The following ZNF518A variants were observed in gnomAD, a reference collection of about 807,000 sequenced individuals.
The protein encoded by ZNF518A is zinc finger protein 518A, also known as zinc finger protein 518.
ZNF518A carries 47 observed loss-of-function variants against 102.7 expected under a neutral mutation model. The observed-to-expected ratio is 0.46, with a 90% CI of 0.36 to 0.58. The LOEUF is 0.58. ZNF518A is among the 20% of genes least tolerant of loss of function. The pLI, the probability that ZNF518A is intolerant of heterozygous loss-of-function variation, is 0.00. For missense variants in ZNF518A, 1,793 were observed against 1,699.8 expected, an observed-to-expected ratio of 1.05 and a Z score of -0.96; for synonymous variants, 652 against 594.6, an observed-to-expected ratio of 1.10 and a Z score of -1.40.
chr10:96,153,901 C>G (rs1228896897), intron 3 of ZNF518A, among the ~76,000 whole-genome samples: 1 of 152,180 alleles, frequency 6.6e-6, no homozygotes, highest in Admixed American at 6.5e-5. Context: ...ATCCTATTCT[C>G]AAGGTCTAAG....
intron 3 of ZNF518A, among the ~76,000 whole-genome samples, chr10:96,151,866 T>C (rs2082465681): frequency 6.6e-6 from 1 of 152,244 alleles, no homozygotes; most frequent in Non-Finnish European, 1.5e-5. Flanking sequence ...GGAAGTCAGA[T>C]GTTTTCAGTT....
At chr10:96,204,601 G>C (rs1319777790), downstream of ZNF518A, 3 of 1,613,904 alleles carry the variant, frequency 1.9e-6, no homozygotes, top group African/African-American at 4.0e-5. Context: ...GTGGCGTTCA[G>C]CAGGTATAGG....
At position 96,158,669 on chromosome 10, in the gene ZNF518A, G is replaced by C. The variant is rs2082831294; in HGVS notation, c.2347G>C (p.Val783Leu). 2 of 1,613,198 alleles carry C rather than the reference G, an allele frequency of 1.2e-6. No individual in the cohort carries two copies. Among genetic ancestry groups the C allele is most frequent in the Admixed American group, 1.7e-5 (1 of 59,820 alleles). Residue 783 changes from valine (V) to leucine (L), a missense_variant, in exon 6 of 6, where the codon GTA becomes CTA. Physicochemically the swap from Val to Leu is conservative, Grantham distance 32 (BLOSUM62 1). Coordinates refer to ENST00000316045, the MANE Select transcript of ZNF518A (RefSeq NM_001330736.2). The stretch of plus-strand genomic sequence containing the variant: ...GGCATCAGAATTTCTGCCACCTGAA[G>C]TAAACCAATTGCTTCAGGATGTATT... ...QQASEFLPPEVNQLLQDVLKI... is the reference protein window; with the variant it reads ...QQASEFLPPELNQLLQDVLKI...
chr10:96,196,662 C>T (rs1407477925), intron 1 of ZNF518A, among the ~76,000 whole-genome samples: 1 of 152,190 alleles, frequency 6.6e-6, no homozygotes, highest in African/African-American at 2.4e-5. Context: ...TTGGGTCAGA[C>T]TGACCTCATT....
At chr10:96,187,932 G>A (rs1479988472) in intron 1 of ZNF518A, among the ~76,000 whole-genome samples, 1 of 152,164 alleles carries the variant, frequency 6.6e-6, no homozygotes, top group Non-Finnish European at 1.5e-5. Context: ...TACAACCTCC[G>A]CCTCCCAGGT....
intron 1 of ZNF518A, among the ~76,000 whole-genome samples, chr10:96,181,261 A>G (rs1269048464): frequency 3.3e-5 from 5 of 152,042 alleles, no homozygotes; most frequent in Non-Finnish European, 7.4e-5. Context: ...TGTCAGATGG[A>G]TAGATTGCAA....
At chr10:96,191,178 T>G (rs587645638) in intron 1 of ZNF518A, among the ~76,000 whole-genome samples, 1 of 151,922 alleles carries the variant, frequency 6.6e-6, no homozygotes, top group Admixed American at 6.5e-5. Flanking sequence ...CTTCTTTGCC[T>G]TCTGCCATGA....
intron 3 of ZNF518A, among the ~76,000 whole-genome samples, chr10:96,138,144 A>G (rs1296091282): frequency 1.3e-5 from 2 of 152,132 alleles, no homozygotes; most frequent in African/African-American, 4.8e-5. Context: ...GGATAATTGT[A>G]CTGTGTAGTC....
At chr10:96,201,773 T>C (rs1280992820) in intron 1 of ZNF518A, among the ~76,000 whole-genome samples, 1 of 152,228 alleles carries the variant, frequency 6.6e-6, no homozygotes, top group East Asian at 1.9e-4. Context: ...CATTCATTCT[T>C]GTTTCTCTGC....
At chr10:96,203,368 TA>T (rs1189445236) in intron 1 of ZNF518A, among the ~76,000 whole-genome samples, 88 of 152,170 alleles carry the variant, frequency 5.8e-4, no homozygotes, top group South Asian at 1.7e-3. Flanking sequence ...TTATGTTTAG[TA>T]AAAAAAATGC....
intron 1 of ZNF518A, among the ~76,000 whole-genome samples, chr10:96,195,691 T>A (rs2083447866): frequency 6.6e-6 from 1 of 152,242 alleles, no homozygotes; most frequent in Non-Finnish European, 1.5e-5. Flanking sequence ...GTATAGGGTT[T>A]TAGTTCTATA....
chr10:96,157,625 G>C lies in ZNF518A; in HGVS notation c.1303G>C (p.Ala435Pro). The part of the protein sequence containing the change: ...KNVMMKNNKL[A>P]VSPNYNATFM... ...TGTAATGATGAAAAATAATAAACTA[G>C]CAGTTTCCCCTAACTATAATGCTAC... Residue 435 changes from alanine (A) to proline (P), a missense_variant, in exon 6 of 6, where the codon GCA (alanine) becomes CCA (proline). This residue lies in a region of ZNF518A where 1,741 missense variants were observed against 1,622.6 expected (regional missense o/e 1.07). Transcript: ENST00000316045. 6.2e-7 allele frequency: 1 copy of C among 1,613,810 alleles called. No individual in the cohort carries two copies. The highest frequency in any genetic ancestry group is 8.5e-7 in the Non-Finnish European group (1 of 1,179,796).
Position 96,159,959 on chromosome 10 carries a change from A to G in ZNF518A, c.3637A>G (p.Thr1213Ala). 1.2e-6 allele frequency: 2 copies of G among 1,613,526 alleles called. No individual in the cohort carries two copies. The highest frequency in any genetic ancestry group is 8.5e-7 in the Non-Finnish European group (1 of 1,179,666). The change falls in exon 6 of 6, where the codon ACA becomes GCA. Residue 1213 changes from threonine to alanine, a missense_variant. This residue lies in a region of ZNF518A where 1,741 missense variants were observed against 1,622.6 expected (regional missense o/e 1.07). Transcript: ENST00000316045. ...TGAAATTGTGATAACTTCTACTGCAACATGCCCAGAATCTTCTGAGGAACC... is the reference window on the plus strand; with the variant it reads ...TGAAATTGTGATAACTTCTACTGCAGCATGCCCAGAATCTTCTGAGGAACC... ...ANEIVITSTATCPESSEEPIC... is the reference protein window; with the variant it reads ...ANEIVITSTAACPESSEEPIC...
chr10:96,157,514 A>T lies in ZNF518A; in HGVS notation c.1192A>T (p.Thr398Ser), dbSNP rs781842968. ...GTCAGAGAAGCCAACTCCTCTGTCC[A>T]CTGGGCAAGGTAATAGAGCTGAAGA... ...SESEKPTPLS[T>S]GQGNRAEEGP... is the part of the protein sequence containing the mutation. The change falls in exon 6 of 6, where the codon ACT becomes TCT. Residue 398 changes from threonine to serine, a missense_variant. Physicochemically the swap from Thr to Ser is moderately conservative, Grantham distance 58. Around this residue, in one of 3 missense-constraint regions of ZNF518A, gnomAD observed 1,741 missense variants for 1,622.6 expected, o/e 1.07. Coordinates refer to ENST00000316045, the MANE Select transcript of ZNF518A (RefSeq NM_001330736.2). 4 of 1,613,876 alleles carry T rather than the reference A, an allele frequency of 2.5e-6. No individual in the cohort carries two copies. Among genetic ancestry groups the T allele is most frequent in the Non-Finnish European group, 2.5e-6 (3 of 1,179,768 alleles).
intron 1 of ZNF518A, chr10:96,189,776 C>T: frequency 1.2e-6 from 1 of 833,332 alleles, no homozygotes; most frequent in Non-Finnish European, 2.1e-6. Flanking sequence ...TGGAATCTTG[C>T]TACCACCTCC....
chr10:96,168,487 C>G (rs1411132271), downstream of ZNF518A, among the ~76,000 whole-genome samples: 1 of 146,866 alleles, frequency 6.8e-6, no homozygotes, highest in Non-Finnish European at 1.5e-5. Context: ...AGAGTTCTTT[C>G]ATTTTAGCTT....
Position 96,158,037 on chromosome 10 carries a change from C to T in ZNF518A, c.1715C>T (p.Thr572Ile). The change falls in exon 6 of 6, where the codon ACA (threonine) becomes ATA (isoleucine). Residue 572 changes from threonine to isoleucine, a missense_variant. Physicochemically the swap from Thr to Ile is moderately conservative, Grantham distance 89. Transcript: ENST00000316045. ...GTGAATTTGACCACAAAATTTGAAA[C>T]AAGAGATAATGTTGACTTCTGGGGA... is the stretch of plus-strand genomic sequence containing the variant. ...ASVNLTTKFETRDNVDFWGNH... is the reference protein window; with the variant it reads ...ASVNLTTKFEIRDNVDFWGNH... 2 of 1,613,744 alleles carry T rather than the reference C, an allele frequency of 1.2e-6. No individual in the cohort carries two copies. The highest frequency in any genetic ancestry group is 4.5e-5 in the East Asian group (2 of 44,870).
At chr10:96,177,370 A>G (rs2083211863) in intron 1 of ZNF518A, among the ~76,000 whole-genome samples, 1 of 152,226 alleles carries the variant, frequency 6.6e-6, no homozygotes, top group South Asian at 2.1e-4. Context: ...CAACTGCGCT[A>G]CCTTAAATAT....
chr10:96,193,487 G>A (rs879949414), intron 1 of ZNF518A, among the ~76,000 whole-genome samples: 1 of 152,218 alleles, frequency 6.6e-6, no homozygotes, highest in Admixed American at 6.5e-5. Context: ...GGTGTTCGGG[G>A]ATTGAAGTGT....
Sources: gnomAD v4.1 joint callset for allele counts (sites outside exome capture counted in the v4.1 genomes callset) on GRCh38, gnomAD v4.1.1 for gene constraint, gnomAD v4.1.1 regional missense constraint, MANE v1.5 for transcripts, NCBI Gene and HGNC (gene_info 2026-07-23, HGNC 2026-07-21) for gene names.